The following KPNA6 variants were observed in gnomAD, a reference collection of about 807,000 sequenced individuals.
The protein encoded by KPNA6 is karyopherin subunit alpha 6.
In KPNA6, 9 loss-of-function variants were observed where a neutral mutation model predicts 72.0. The ratio of observed to expected loss-of-function variants is 0.13; its 90% CI spans 0.08 to 0.22. The LOEUF (loss-of-function observed/expected upper bound fraction) is 0.22, where lower values mean the gene tolerates loss of function less well. KPNA6 is among the 10% of genes least tolerant of loss of function. KPNA6 has a pLI of 1.00. For synonymous variants in KPNA6, 219 were observed against 242.1 expected, an observed-to-expected ratio of 0.90 and a Z score of 0.89; for missense variants, 374 against 655.7, an observed-to-expected ratio of 0.57 and a Z score of 4.69.
At chr1:32,152,715 G>A (rs887162452) in intron 1 of KPNA6, among the ~76,000 whole-genome samples, 5 of 151,880 alleles carry the variant, frequency 3.3e-5, no homozygotes, top group Admixed American at 2.6e-4. Flanking sequence ...CGTGGTGGCG[G>A]GCGCCTGTAG....
chr1:32,161,192 T>A (rs1228655031), intron 7 of KPNA6, among the ~76,000 whole-genome samples: 4 of 152,068 alleles, frequency 2.6e-5, no homozygotes, highest in African/African-American at 7.2e-5. Context: ...AAAAAGGATC[T>A]TGTTCCTCAC....
At chr1:32,122,420 A>G (rs542059540) in intron 1 of KPNA6, among the ~76,000 whole-genome samples, 12 of 151,952 alleles carry the variant, frequency 7.9e-5, no homozygotes, top group Middle Eastern at 3.4e-3. Context: ...TGAATTTAGC[A>G]TCATGTACTT....
At chr1:32,162,259 GT>G (rs1642252435) in intron 8 of KPNA6, 101 bp from the exon 9 acceptor site, 1 of 1,128,012 alleles carries the variant, frequency 8.9e-7, no homozygotes, top group African/African-American at 1.6e-5. Flanking sequence ...GGAATTACTT[GT>G]GTGTGTGTAT....
At chr1:32,147,349 C>T (rs927444391) in intron 1 of KPNA6, among the ~76,000 whole-genome samples, 13 of 151,908 alleles carry the variant, frequency 8.6e-5, no homozygotes, top group African/African-American at 1.2e-4. Flanking sequence ...GCTGGAGTGA[C>T]GGTGCAATCA....
In KPNA6 at chr1:32,166,024, C is replaced by CAAT; in HGVS notation, c.991-79_991-78insTAA. ...AAAAAAAAAACAAAAACAACAACAA[C>CAAT]AACAACAACAACAAAAAAACATAAA... On this transcript the variant is annotated intron_variant, in intron 10 of 13. Transcript: ENST00000373625. 14 of 1,436,960 alleles carry CAAT rather than the reference C, an allele frequency of 9.7e-6. No individual in the cohort carries two copies. In the South Asian group the frequency reaches 1.7e-4, roughly 17 times the overall value. 89.0% of individuals were successfully genotyped at this position (1,436,960 alleles called of 1,614,324 possible).
rs142699789 is a variant in KPNA6, at chr1:32,132,969, C to T, written c.5-21619C>T. 2.8e-3 allele frequency among the ~76,000 whole-genome samples: 427 copies of T among 152,124 alleles called. 1 individual carries two copies. Among genetic ancestry groups the T allele is most frequent in the African/African-American group, 9.2e-3 (384 of 41,536 alleles). Reference sequence around the variant, plus strand: ...AGGCTGGTCTCAAACTCCTGGGCTCCGGTGATCCACCTGCCCCAGCCTCCA... The same window carrying T: ...AGGCTGGTCTCAAACTCCTGGGCTCTGGTGATCCACCTGCCCCAGCCTCCA... On this transcript the variant is annotated intron_variant, in intron 1 of 13. Coordinates refer to ENST00000373625, the MANE Select transcript of KPNA6 (RefSeq NM_012316.5).
chr1:32,171,761 G>A lies in KPNA6; in HGVS notation c.*867G>A, dbSNP rs569666032. The A allele has an allele frequency of 6.6e-6, 1 of 152,316 alleles. No homozygotes were observed. The highest frequency in any genetic ancestry group is 6.5e-5 in the Admixed American group (1 of 15,294). 9.4% of individuals were successfully genotyped at this position (152,316 alleles called of 1,614,324 possible). On this transcript the variant is annotated 3_prime_UTR_variant, in exon 14 of 14. Transcript: ENST00000373625. ...ATTTCCTACTCACCTTCCAAATGGT[G>A]CGACCCAACTTCATTTGTTTACTTG...
chr1:32,162,260 T>C, intron 8 of KPNA6, 101 bp from the exon 9 acceptor site: 1 of 1,143,222 alleles, frequency 8.7e-7, no homozygotes. Context: ...GAATTACTTG[T>C]GTGTGTGTAT....
Position 32,174,597 on chromosome 1 carries a change from G to A in KPNA6, c.*3703G>A, listed in dbSNP as rs1396413037. 6.6e-6 allele frequency: 1 copy of A among 152,154 alleles called. No homozygotes were observed. Among genetic ancestry groups the A allele is most frequent in the Non-Finnish European group, 1.5e-5 (1 of 68,044 alleles). 9.4% of individuals were successfully genotyped at this position (152,154 alleles called of 1,614,324 possible). Reference sequence around the variant, plus strand: ...CTCTCTTCTCCCCTAGACTCACTCAGCTTGGTATCCATCATCTTGAGCATT... The same window carrying A: ...CTCTCTTCTCCCCTAGACTCACTCAACTTGGTATCCATCATCTTGAGCATT... On this transcript the variant is annotated 3_prime_UTR_variant, in exon 14 of 14. Coordinates refer to ENST00000373625, the MANE Select transcript of KPNA6 (RefSeq NM_012316.5).
chr1:32,113,942 A>T (rs1023664641), intron 1 of KPNA6, among the ~76,000 whole-genome samples: 1 of 152,162 alleles, frequency 6.6e-6, no homozygotes, highest in African/African-American at 2.4e-5. Context: ...CATCTGCAGT[A>T]ACTTGCTCCA....
intron 1 of KPNA6, among the ~76,000 whole-genome samples, chr1:32,144,008 A>G (rs1641887285): frequency 6.6e-6 from 1 of 152,230 alleles, no homozygotes; most frequent in African/African-American, 2.4e-5. Flanking sequence ...CCCAGTGGAC[A>G]CCTGCAACGA....
intron 1 of KPNA6, among the ~76,000 whole-genome samples, chr1:32,130,037 T>G: frequency 6.6e-6 from 1 of 152,156 alleles, no homozygotes; most frequent in Non-Finnish European, 1.5e-5. Context: ...TTTGCCTACC[T>G]CTAAAATGAG....
rs1466059119 is a variant in KPNA6, at chr1:32,174,174, G to A, written c.*3280G>A. 2 of 152,250 alleles carry A rather than the reference G, an allele frequency of 1.3e-5. No homozygotes were observed. The highest frequency in any genetic ancestry group is 2.9e-5 in the Non-Finnish European group (2 of 68,120). 9.4% of individuals were successfully genotyped at this position (152,250 alleles called of 1,614,324 possible). A position where few individuals can be genotyped will look rare whatever the true frequency, so the allele number is the denominator to read the frequency against. Reference sequence around the variant, plus strand: ...GGGAATACAAATGGCCCCCCCCCAGGGAGCAGGTGTTGGCCTCAGTTTTCA... The same window carrying A: ...GGGAATACAAATGGCCCCCCCCCAGAGAGCAGGTGTTGGCCTCAGTTTTCA... On this transcript the variant is annotated 3_prime_UTR_variant, in exon 14 of 14. Coordinates refer to ENST00000373625, the MANE Select transcript of KPNA6 (RefSeq NM_012316.5).
At position 32,163,212 on chromosome 1, in the gene KPNA6, G is replaced by A. The variant is rs146112216; in HGVS notation, c.912-23G>A. ...GCCGAAAATGGTGTGCTGGCCTTCT[G>A]ATCAGATCTCCCTCCTCTGTAGGCA... On this transcript the variant is annotated intron_variant, in intron 9 of 13. Transcript: ENST00000373625. 2.3e-3 allele frequency: 3,645 copies of A among 1,567,750 alleles called. 42 individuals carry two copies. The highest frequency in any genetic ancestry group is 0.019 in the East Asian group (853 of 44,642).
chr1:32,118,384 G>GC (rs2124523614), intron 1 of KPNA6, among the ~76,000 whole-genome samples: 2 of 151,286 alleles, frequency 1.3e-5, no homozygotes, highest in Non-Finnish European at 2.9e-5. Flanking sequence ...TTTCTCCCAG[G>GC]CTGGGGTGCA....
Position 32,174,162 on chromosome 1 carries a change from GC to G in KPNA6, c.*3277del, listed in dbSNP as rs879040928. 1,050 of 150,026 alleles carry G rather than the reference GC, an allele frequency of 7.0e-3. 11 individuals are homozygous for G. The highest frequency in any genetic ancestry group is 0.023 in the African/African-American group (953 of 40,854). 9.3% of individuals were successfully genotyped at this position (150,026 alleles called of 1,614,324 possible). ...TTACATGGGTCAGGGAATACAAATG[GC>G]CCCCCCCCAGGGAGCAGGTGTTGGC... On this transcript the variant is annotated 3_prime_UTR_variant, in exon 14 of 14. Coordinates refer to ENST00000373625, the MANE Select transcript of KPNA6 (RefSeq NM_012316.5).
chr1:32,145,902 A>G (rs1037674737), intron 1 of KPNA6, among the ~76,000 whole-genome samples: 1 of 152,138 alleles, frequency 6.6e-6, no homozygotes, highest in African/African-American at 2.4e-5. Context: ...TAATTTCTGT[A>G]TATTTGTGAA....
chr1:32,124,517 T>TG (rs1399881550), intron 1 of KPNA6, among the ~76,000 whole-genome samples: 1 of 150,254 alleles, frequency 6.7e-6, no homozygotes, highest in Non-Finnish European at 1.5e-5. Context: ...CTTTTTTTTT[T>TG]TTTTTTTCCA....
At chr1:32,162,109 C>G (rs2124079240) in intron 8 of KPNA6, 63 bp downstream of exon 8, 1 of 1,264,372 alleles carries the variant, frequency 7.9e-7, no homozygotes. Context: ...GTTTTTAAGT[C>G]TTTGGGATAC....
Sources: allele counts gnomAD v4.1 joint callset (sites outside exome capture counted in the v4.1 genomes callset), GRCh38; gene constraint gnomAD v4.1.1; transcripts MANE v1.5; gene names NCBI Gene and HGNC (gene_info 2026-07-23, HGNC 2026-07-21).